The following ZDHHC15 variants were observed in gnomAD, a reference collection of about 807,000 sequenced individuals.
The protein encoded by ZDHHC15 is zDHHC palmitoyltransferase 15.
In ZDHHC15, 19 loss-of-function variants were observed where a neutral mutation model predicts 31.7. That is an observed-to-expected ratio of 0.60 (90% CI 0.42 to 0.88). The LOEUF is 0.88. Among genes scored for constraint, ZDHHC15 ranks in the 40% least tolerant of loss-of-function variants. ZDHHC15 has a pLI of 0.00. For synonymous variants in ZDHHC15, 103 were observed against 90.0 expected, an observed-to-expected ratio of 1.14 and a Z score of -0.82; for missense variants, 209 against 251.2, an observed-to-expected ratio of 0.83 and a Z score of 1.14.
intron 3 of ZDHHC15, among the ~76,000 whole-genome samples, chrX:75,459,143 C>T (rs890119210): frequency 4.5e-5 from 5 of 109,962 alleles, no homozygotes; most frequent in African/African-American, 6.6e-5. Flanking sequence ...GCCTTGGGTC[C>T]GATACACAAA....
Position 75,373,344 on chromosome X carries a change from A to AT in ZDHHC15, c.*33-400dup, listed in dbSNP as rs1247495503. 2.2e-4 allele frequency among the ~76,000 whole-genome samples: 25 copies of AT among 111,627 alleles called. 1 individual carries two copies. The highest frequency in any genetic ancestry group is 2.2e-3 in the South Asian group (6 of 2,691). On this transcript the variant is annotated intron_variant, in intron 11 of 11. Coordinates refer to ENST00000373367, the MANE Select transcript of ZDHHC15 (RefSeq NM_144969.3). ...TGAAATTGGGCAATTATGAAGCTGAATTCTAGCTTTGCCTCTTATCTCCAT... is the reference window on the plus strand; with the variant it reads ...TGAAATTGGGCAATTATGAAGCTGAATTTCTAGCTTTGCCTCTTATCTCCAT...
Position 75,391,051 on chromosome X carries a change from A to G in ZDHHC15, c.968-11853T>C, listed in dbSNP as rs144901572. 7.9e-3 allele frequency among the ~76,000 whole-genome samples: 890 copies of G among 111,990 alleles called. 11 individuals are homozygous for G. Among genetic ancestry groups the G allele is most frequent in the African/African-American group, 0.027 (821 of 30,837 alleles). On this transcript the variant is annotated intron_variant, in intron 10 of 11. Transcript: ENST00000373367. ...AATAATTAAAAGGAACCAAGCAGAA[A>G]TTCTTGAGCTGAAAAATTCAATTGA...
intron 1 of ZDHHC15, among the ~76,000 whole-genome samples, chrX:75,517,081 GA>G (rs1334817296): frequency 8.9e-6 from 1 of 111,781 alleles, no homozygotes; most frequent in African/African-American, 3.3e-5. Flanking sequence ...AAAAAGTCAG[GA>G]AACAACAGGT....
At chrX:75,393,622 TTG>T (rs778196817) in intron 10 of ZDHHC15, among the ~76,000 whole-genome samples, 1 of 111,551 alleles carries the variant, frequency 9.0e-6, no homozygotes, top group African/African-American at 3.3e-5. Context: ...CTTAACATTT[TTG>T]TGTCTAATCA....
chrX:75,374,234 G>A (rs985902155), intron 11 of ZDHHC15, among the ~76,000 whole-genome samples: 4 of 109,402 alleles, frequency 3.7e-5, no homozygotes, highest in East Asian at 5.7e-4. Flanking sequence ...CCTGTCGGGG[G>A]CTGGAGGGCT....
rs148299235 is a variant in ZDHHC15 at position 75,447,346 on chromosome X, A to G, written c.379+3456T>C. On this transcript the variant is annotated intron_variant, in intron 4 of 11. Coordinates refer to ENST00000373367, the MANE Select transcript of ZDHHC15 (RefSeq NM_144969.3). ...TGCACTTCTGCCAAAAGTGCCATCG[A>G]TGGACTTACAAAATGCCTTATCCAC... Among the ~76,000 whole-genome samples, 897 of 112,486 alleles carry G rather than the reference A, an allele frequency of 8.0e-3. 11 individuals are homozygous for G. The highest frequency in any genetic ancestry group is 0.027 in the African/African-American group (824 of 30,993).
intron 2 of ZDHHC15, among the ~76,000 whole-genome samples, chrX:75,499,080 T>A (rs2085052830): frequency 9.0e-6 from 1 of 111,489 alleles, no homozygotes; most frequent in South Asian, 3.8e-4. Flanking sequence ...TGGCAAGCCA[T>A]ATGCAGAAGA....
intron 8 of ZDHHC15, among the ~76,000 whole-genome samples, chrX:75,422,851 A>T (rs1345210721): frequency 1.8e-5 from 2 of 108,764 alleles, no homozygotes; most frequent in Non-Finnish European, 3.8e-5. Flanking sequence ...CATGTGCACA[A>T]TGTGCAGGTT....
intron 11 of ZDHHC15, among the ~76,000 whole-genome samples, chrX:75,373,924 C>CTTTTTTTTTT (rs1298329750): frequency 1.0e-4 from 2 of 19,057 alleles, no homozygotes; most frequent in Non-Finnish European, 1.6e-4. Context: ...TTCATTCTTT[C>CTTTTTTTTTT]TGTTTTTTTT....
chrX:75,394,030 G>A (rs766164978), intron 10 of ZDHHC15, among the ~76,000 whole-genome samples: 2 of 111,224 alleles, frequency 1.8e-5, no homozygotes, highest in Non-Finnish European at 3.8e-5. Flanking sequence ...TTAAGAATGA[G>A]TCTGCTGTTC....
At chrX:75,479,941 C>T (rs147049580) in intron 2 of ZDHHC15, among the ~76,000 whole-genome samples, 1,516 of 111,557 alleles carry the variant, frequency 0.014, 19 homozygotes, top group African/African-American at 0.047. Context: ...CTCTCTACTA[C>T]CTTTCTTTTC....
intron 2 of ZDHHC15, among the ~76,000 whole-genome samples, chrX:75,487,774 T>TA (rs980605720): frequency 9.9e-5 from 11 of 110,722 alleles, no homozygotes; most frequent in African/African-American, 3.0e-4. Flanking sequence ...TTAAAGAAAT[T>TA]AAAAAACAAC....
intron 2 of ZDHHC15, among the ~76,000 whole-genome samples, chrX:75,496,496 C>T (rs966618448): frequency 9.0e-6 from 1 of 111,478 alleles, no homozygotes; most frequent in African/African-American, 3.3e-5. Flanking sequence ...ATATACCCTA[C>T]AACAAATGGA....
At chrX:75,456,015 A>G (rs1036745166) in intron 3 of ZDHHC15, among the ~76,000 whole-genome samples, 1 of 111,445 alleles carries the variant, frequency 9.0e-6, no homozygotes, top group Non-Finnish European at 1.9e-5. Context: ...ATATACCCAA[A>G]GGTTTATAAA....
At chrX:75,446,858 C>G (rs1378695577) in intron 4 of ZDHHC15, among the ~76,000 whole-genome samples, 15 of 111,737 alleles carry the variant, frequency 1.3e-4, no homozygotes, top group African/African-American at 4.9e-4. Context: ...CCCCAAAGAC[C>G]TCACGTCCTA....
intron 10 of ZDHHC15, among the ~76,000 whole-genome samples, chrX:75,379,901 CCAGT>C (rs2083097195): frequency 5.6e-5 from 1 of 17,820 alleles, no homozygotes; most frequent in African/African-American, 7.2e-5. Flanking sequence ...CAGAGGCCAG[CCAGT>C]CAGTGTGAGT....
intron 4 of ZDHHC15, among the ~76,000 whole-genome samples, chrX:75,432,671 G>A (rs2083795475): frequency 9.0e-6 from 1 of 111,316 alleles, no homozygotes; most frequent in Non-Finnish European, 1.9e-5. Flanking sequence ...AGAGTAGCTG[G>A]GTGATCTGTC....
intron 2 of ZDHHC15, among the ~76,000 whole-genome samples, chrX:75,500,865 T>A (rs1009390438): frequency 9.1e-6 from 1 of 110,390 alleles, no homozygotes; most frequent in African/African-American, 3.3e-5. Context: ...CCAGACGTTT[T>A]ACTCTCAGTG....
chrX:75,395,944 G>T (rs765003911), intron 10 of ZDHHC15, among the ~76,000 whole-genome samples: 117 of 112,311 alleles, frequency 1.0e-3, no homozygotes, highest in Non-Finnish European at 1.8e-3. Context: ...ATATCCATAT[G>T]CAGAAGAATG....
Sources: allele counts gnomAD v4.1 joint callset (sites outside exome capture counted in the v4.1 genomes callset), GRCh38; gene constraint gnomAD v4.1.1; transcripts MANE v1.5; gene names NCBI Gene and HGNC (gene_info 2026-07-23, HGNC 2026-07-21).